The following SFSWAP variants were observed in gnomAD, a reference collection of about 807,000 sequenced individuals.
SFSWAP encodes the protein splicing factor SWAP.
SFSWAP carries 17 observed loss-of-function variants against 100.7 expected under a neutral mutation model. That is an observed-to-expected ratio of 0.17 (90% CI 0.12 to 0.25). The LOEUF (loss-of-function observed/expected upper bound fraction) is 0.25. Ranked by LOEUF, SFSWAP falls within the 10% of genes least tolerant of loss-of-function variation. SFSWAP has a pLI of 1.00. For missense variants in SFSWAP, 1,005 were observed against 1,262.6 expected (o/e 0.80, Z 3.09); for synonymous variants, 504 against 510.1 (o/e 0.99, Z 0.16).
chr12:131,753,277 C>T lies in SFSWAP; in HGVS notation c.1236C>T (p.Ala412=), dbSNP rs1881832192. The change falls in exon 8 of 18, where the codon GCC becomes GCT. Residue 412 remains alanine (A), a synonymous_variant. Coordinates refer to ENST00000261674, the MANE Select transcript of SFSWAP (RefSeq NM_004592.4). ...VSNSPGVTTT[A]PPPPGTTPLP... ...ACTCCCCTGGAGTGACGACCACCGC[C>T]CCACCACCTCCTGGGACCACACCAC... is the stretch of plus-strand genomic sequence containing the variant. 6.2e-7 allele frequency: 1 copy of T among 1,613,444 alleles called. No homozygotes were observed. Among genetic ancestry groups the T allele is most frequent in the Admixed American group, 1.7e-5 (1 of 59,986 alleles).
intron 7 of SFSWAP, among the ~76,000 whole-genome samples, chr12:131,749,402 G>C (rs1881419100): frequency 6.6e-6 from 1 of 152,204 alleles, no homozygotes; most frequent in Non-Finnish European, 1.5e-5. Flanking sequence ...TGCCAGCCCA[G>C]ACTTCAGTTT....
At chr12:131,728,223 C>T in intron 6 of SFSWAP, 70 bp from the exon 7 acceptor site, 6 of 1,572,022 alleles carry the variant, frequency 3.8e-6, no homozygotes, top group Non-Finnish European at 5.2e-6. Context: ...AAAGGTGAGC[C>T]TTTTGCAGCA....
chr12:131,762,959 C>T (rs779021770), intron 11 of SFSWAP, among the ~76,000 whole-genome samples: 49 of 152,218 alleles, frequency 3.2e-4, no homozygotes, highest in Non-Finnish European at 6.3e-4. Flanking sequence ...CACATAATGA[C>T]CACTCACGCC....
In SFSWAP at chr12:131,794,967, A is replaced by T. The variant is rs1037444882; in HGVS notation, c.2535-2211A>T. ...TAAACTCAGCTGGATTTGGGGAGTA[A>T]GTCATTTTGGACACATGTCACATGC... is the stretch of plus-strand genomic sequence containing the variant. On this transcript the variant is annotated intron_variant, in intron 15 of 17. Coordinates refer to ENST00000261674, the MANE Select transcript of SFSWAP (RefSeq NM_004592.4). The surrounding 1 kb of genome is among the most constrained non-coding windows in gnomAD (Gnocchi z 4.8). 2.0e-4 allele frequency among the ~76,000 whole-genome samples: 30 copies of T among 152,210 alleles called. No individual in the cohort carries two copies. The highest frequency in any genetic ancestry group is 1.5e-5 in the Non-Finnish European group (1 of 68,040).
chr12:131,762,110 G>T (rs955955890), intron 11 of SFSWAP, among the ~76,000 whole-genome samples: 4 of 152,190 alleles, frequency 2.6e-5, no homozygotes, highest in African/African-American at 9.7e-5. Flanking sequence ...GCGAGCACCT[G>T]TAATCCCAGC....
At chr12:131,717,983 G>A (rs1435533680) in intron 3 of SFSWAP, among the ~76,000 whole-genome samples, 4 of 152,098 alleles carry the variant, frequency 2.6e-5, no homozygotes, top group Admixed American at 1.3e-4. Flanking sequence ...CGCCTGCCTC[G>A]GCCTCCCAAA....
At chr12:131,716,453 AT>A (rs765168310) in intron 3 of SFSWAP, among the ~76,000 whole-genome samples, 40 of 152,102 alleles carry the variant, frequency 2.6e-4, no homozygotes, top group Non-Finnish European at 3.7e-4. Flanking sequence ...GATAGTTCTG[AT>A]TTTGTTGTCT....
chr12:131,769,000 G>A (rs1593169378), intron 13 of SFSWAP, among the ~76,000 whole-genome samples: 1 of 152,134 alleles, frequency 6.6e-6, no homozygotes, highest in African/African-American at 2.4e-5. Context: ...GGTGGAGCAT[G>A]CCTGTAATCC....
chr12:131,745,307 C>T (rs1194735367), intron 7 of SFSWAP, among the ~76,000 whole-genome samples: 2 of 152,022 alleles, frequency 1.3e-5, no homozygotes, highest in African/African-American at 2.4e-5. Context: ...CGAACAATTG[C>T]CAGAAGGGAT....
chr12:131,723,077 G>A (rs1878630924), intron 4 of SFSWAP, among the ~76,000 whole-genome samples: 1 of 152,196 alleles, frequency 6.6e-6, no homozygotes, highest in African/African-American at 2.4e-5. Context: ...TTCTAGCCAA[G>A]GGACCGACTC....
intron 15 of SFSWAP, among the ~76,000 whole-genome samples, chr12:131,786,945 C>T (rs761465509): frequency 1.3e-5 from 2 of 152,136 alleles, no homozygotes; most frequent in Non-Finnish European, 1.5e-5. Context: ...TGCAAGCTTC[C>T]GGTCCTAAAG....
chr12:131,738,179 C>T (rs1480561239), intron 7 of SFSWAP, among the ~76,000 whole-genome samples: 3 of 151,956 alleles, frequency 2.0e-5, no homozygotes, highest in Non-Finnish European at 4.4e-5. Flanking sequence ...TTTAAATGTG[C>T]CTTTGCTGTT....
intron 7 of SFSWAP, among the ~76,000 whole-genome samples, chr12:131,735,425 T>G (rs528419859): frequency 1.2e-4 from 19 of 152,334 alleles, no homozygotes; most frequent in African/African-American, 4.6e-4. Flanking sequence ...GGGACACCAG[T>G]TAATTCTGGA....
At chr12:131,770,193 T>C (rs1394295772) in intron 13 of SFSWAP, among the ~76,000 whole-genome samples, 3 of 152,270 alleles carry the variant, frequency 2.0e-5, no homozygotes, top group Admixed American at 2.0e-4. Context: ...TAGCATCTGC[T>C]TTACTCGCTG....
At chr12:131,787,020 G>T (rs1197174900) in intron 15 of SFSWAP, among the ~76,000 whole-genome samples, 1 of 152,108 alleles carries the variant, frequency 6.6e-6, no homozygotes, top group Non-Finnish European at 1.5e-5. Flanking sequence ...CTACGGCCCA[G>T]GCTGGAGCTC....
At position 131,771,715 on chromosome 12, in the gene SFSWAP, G is replaced by A. The variant is rs145656939; in HGVS notation, c.2142+5407G>A. Reference sequence around the variant, plus strand: ...TGTCTCCAGGCTGGAGTGCAGTAGCGCGATCTCGGCTCAATTGGCTCACTG... The same window carrying A: ...TGTCTCCAGGCTGGAGTGCAGTAGCACGATCTCGGCTCAATTGGCTCACTG... On this transcript the variant is annotated intron_variant, in intron 13 of 17. Transcript: ENST00000261674. Among the ~76,000 whole-genome samples, 1,308 of 144,850 alleles carry A rather than the reference G, an allele frequency of 9.0e-3. 19 individuals carry two copies. The highest frequency in any genetic ancestry group is 0.032 in the African/African-American group (1,243 of 38,696).
chr12:131,722,777 G>A (rs1409948122), intron 4 of SFSWAP, among the ~76,000 whole-genome samples: 2 of 151,898 alleles, frequency 1.3e-5, no homozygotes, highest in Non-Finnish European at 2.9e-5. Context: ...GTGAAACTCC[G>A]CCTCTACAAA....
At chr12:131,786,790 G>A (rs184372755) in intron 15 of SFSWAP, among the ~76,000 whole-genome samples, 101 of 152,232 alleles carry the variant, frequency 6.6e-4, no homozygotes, top group African/African-American at 2.3e-3. Context: ...TCTGGTGGGC[G>A]GGGGTCACTT....
chr12:131,776,436 C>G (rs981804320), intron 13 of SFSWAP, among the ~76,000 whole-genome samples: 1 of 152,234 alleles, frequency 6.6e-6, no homozygotes, highest in African/African-American at 2.4e-5. Flanking sequence ...GCAGCCAGCT[C>G]AAGTGGAAAC....
Sources: allele counts gnomAD v4.1 joint callset (sites outside exome capture counted in the v4.1 genomes callset), GRCh38; gene constraint gnomAD v4.1.1; non-coding constraint Gnocchi (gnomAD v3.1); transcripts MANE v1.5; gene names NCBI Gene and HGNC (gene_info 2026-07-23, HGNC 2026-07-21).